SUMF1: variants seen among roughly 807,000 people sequenced by gnomAD.
SUMF1 encodes the protein formylglycine-generating enzyme.
SUMF1 carries 48 observed loss-of-function variants against 47.6 expected under a neutral mutation model. That is an observed-to-expected ratio of 1.01 (90% CI 0.80 to 1.28). The LOEUF is 1.28. Among genes scored for constraint, SUMF1 ranks in the 50% most tolerant of loss-of-function variants. The pLI, the probability that SUMF1 is intolerant of heterozygous loss-of-function variation, is 0.00. For synonymous variants in SUMF1, 230 were observed against 192.1 expected (o/e 1.20, Z -1.63); for missense variants, 571 against 485.4 (o/e 1.18, Z -1.66).
At chr3:4,368,773 A>C (rs923424356) in intron 8 of SUMF1, among the ~76,000 whole-genome samples, 13 of 152,222 alleles carry the variant, frequency 8.5e-5, no homozygotes, top group Non-Finnish European at 1.8e-4. Context: ...TTCAGTGATT[A>C]ACCACAGATT....
intron 8 of SUMF1, among the ~76,000 whole-genome samples, chr3:4,214,792 C>T (rs932675552): frequency 1.3e-5 from 2 of 151,986 alleles, no homozygotes; most frequent in Non-Finnish European, 2.9e-5. Context: ...GCTAAAAAAC[C>T]TAGAAAAAAT....
At chr3:4,043,954 A>C (rs1694960547) in intron 9 of SUMF1, among the ~76,000 whole-genome samples, 1 of 152,144 alleles carries the variant, frequency 6.6e-6, no homozygotes, top group Non-Finnish European at 1.5e-5. Context: ...CTAGATCACA[A>C]TTATTACTAG....
chr3:4,321,487 A>G lies in SUMF1; in HGVS notation c.1014+54843T>C, dbSNP rs1380973486. Among the ~76,000 whole-genome samples, 7 of 150,600 alleles carry G rather than the reference A, an allele frequency of 4.6e-5. No individual in the cohort carries two copies. In the East Asian group the frequency reaches 7.7e-4, roughly 17 times the overall value. ...GGAAATGCTAAAAAAAAAAAAAAAA[A>G]AAAAAAGAAAAAGAAAGAAACCTAC... On this transcript the variant is annotated intron_variant and NMD_transcript_variant, in intron 8 of 12. Transcript: ENST00000448413.
At chr3:4,184,009 C>A (rs918993140) in intron 8 of SUMF1, among the ~76,000 whole-genome samples, 2 of 151,914 alleles carry the variant, frequency 1.3e-5, no homozygotes, top group South Asian at 2.1e-4. Flanking sequence ...GTGGCACATG[C>A]CTGCAGTCCC....
intron 8 of SUMF1, among the ~76,000 whole-genome samples, chr3:4,331,243 A>C (rs1217994948): frequency 6.6e-6 from 1 of 151,824 alleles, no homozygotes; most frequent in Non-Finnish European, 1.5e-5. Context: ...AAACCTTTAA[A>C]CTAGGCAAAA....
chr3:4,266,338 G>T (rs1015947215), intron 8 of SUMF1, among the ~76,000 whole-genome samples: 8 of 151,702 alleles, frequency 5.3e-5, no homozygotes, highest in Admixed American at 3.9e-4. Flanking sequence ...CCATTTTCAC[G>T]ATATTGATTC....
At chr3:4,396,190 G>A (rs1327210134) in intron 7 of SUMF1, among the ~76,000 whole-genome samples, 2 of 152,214 alleles carry the variant, frequency 1.3e-5, no homozygotes, top group Non-Finnish European at 2.9e-5. Flanking sequence ...GAGGAGCTGG[G>A]CTGAAGGCCA....
At chr3:4,207,842 C>A (rs915827130) in intron 8 of SUMF1, among the ~76,000 whole-genome samples, 6 of 152,116 alleles carry the variant, frequency 3.9e-5, no homozygotes, top group African/African-American at 1.2e-4. Context: ...AAATTCTGTG[C>A]AGAACCAGTG....
chr3:4,231,441 T>G (rs1475369061), intron 8 of SUMF1, among the ~76,000 whole-genome samples: 1 of 152,182 alleles, frequency 6.6e-6, no homozygotes, highest in African/African-American at 2.4e-5. Context: ...ATAGAAAGCA[T>G]GCTACTAATA....
intron 8 of SUMF1, among the ~76,000 whole-genome samples, chr3:4,343,515 C>A (rs758329431): frequency 2.0e-5 from 3 of 152,170 alleles, no homozygotes; most frequent in Non-Finnish European, 4.4e-5. Flanking sequence ...TGTATTTCAG[C>A]CACAGAAAGC....
chr3:4,130,967 T>C (rs1693774991), intron 8 of SUMF1, among the ~76,000 whole-genome samples: 1 of 152,108 alleles, frequency 6.6e-6, no homozygotes, highest in South Asian at 2.1e-4. Context: ...TTTGGAGCCT[T>C]TGGCAGGCCC....
At chr3:4,119,649 T>C (rs1399900607) in intron 8 of SUMF1, among the ~76,000 whole-genome samples, 1 of 152,108 alleles carries the variant, frequency 6.6e-6, no homozygotes, top group Non-Finnish European at 1.5e-5. Flanking sequence ...CCTGTGTTGT[T>C]ATCTCCTGCA....
intron 8 of SUMF1, among the ~76,000 whole-genome samples, chr3:4,231,751 A>G (rs1349245688): frequency 1.3e-5 from 2 of 152,146 alleles, no homozygotes; most frequent in African/African-American, 2.4e-5. Flanking sequence ...CAACAGCTGC[A>G]TGTTGAGAAG....
At chr3:4,331,469 A>G (rs1699050703) in intron 8 of SUMF1, among the ~76,000 whole-genome samples, 1 of 152,202 alleles carries the variant, frequency 6.6e-6, no homozygotes, top group African/African-American at 2.4e-5. Flanking sequence ...TATGTACCAG[A>G]TGCAAAGTCC....
At chr3:4,418,609 G>A (rs750460949) in intron 4 of SUMF1, among the ~76,000 whole-genome samples, 3 of 152,200 alleles carry the variant, frequency 2.0e-5, no homozygotes, top group Non-Finnish European at 4.4e-5. Context: ...GTTGGGTGGA[G>A]CTTGGTTGGA....
At chr3:4,277,850 C>T (rs1490194743) in intron 8 of SUMF1, among the ~76,000 whole-genome samples, 1 of 152,014 alleles carries the variant, frequency 6.6e-6, no homozygotes. Flanking sequence ...TCCACAAGTA[C>T]CTTTAAACAG....
At chr3:4,463,443 T>C (rs60022405) in intron 1 of SUMF1, among the ~76,000 whole-genome samples, 2,644 of 152,288 alleles carry the variant, frequency 0.017, 84 homozygotes, top group African/African-American at 0.061. Context: ...TGAGCCGAGA[T>C]TGCACCACTG....
chr3:4,383,006 A>G (rs1339269042), intron 7 of SUMF1, among the ~76,000 whole-genome samples: 1 of 152,064 alleles, frequency 6.6e-6, no homozygotes, highest in Non-Finnish European at 1.5e-5. Flanking sequence ...CCACCATGGC[A>G]CGTGTATACC....
chr3:4,140,386 C>A (rs960414121), intron 8 of SUMF1, among the ~76,000 whole-genome samples: 1 of 152,016 alleles, frequency 6.6e-6, no homozygotes, highest in Non-Finnish European at 1.5e-5. Flanking sequence ...ATTCAGGAAA[C>A]TGATTCTTAC....
Sources: gnomAD v4.1 joint callset for allele counts (sites outside exome capture counted in the v4.1 genomes callset) on GRCh38, gnomAD v4.1.1 for gene constraint, MANE v1.5 for transcripts, NCBI Gene and HGNC (gene_info 2026-07-23, HGNC 2026-07-21) for gene names.